PCDH15: variants seen among roughly 807,000 people sequenced by gnomAD.
PCDH15 encodes protocadherin-15.
PCDH15 carries 129 observed loss-of-function variants against 178.5 expected under a neutral mutation model. The observed-to-expected ratio is 0.72, with a 90% CI of 0.63 to 0.84. PCDH15 has a LOEUF of 0.84. PCDH15 is among the 40% of genes least tolerant of loss of function. The pLI is 0.00. For missense variants in PCDH15, 2,230 were observed against 2,099.9 expected (o/e 1.06, Z -1.21); for synonymous variants, 800 against 732.0 (o/e 1.09, Z -1.50).
intron 35 of PCDH15, among the ~76,000 whole-genome samples, chr10:53,814,962 CAAA>C (rs34460612): frequency 4.6e-5 from 4 of 87,834 alleles, no homozygotes; most frequent in African/African-American, 3.6e-5. Context: ...GAATCTGTCT[CAAA>C]AAAAAAAAAA....
rs185560589 is a variant in PCDH15 at position 55,495,372 on chromosome 10, G to A, written c.-156+132253C>T. ...TTTGAATGCCTTAAATCTGATAAGG[G>A]ACTTCTACCCAGAATTTACAAAGAA... is the stretch of plus-strand genomic sequence containing the variant. On this transcript the variant is annotated intron_variant, in intron 2 of 5. Coordinates refer to the PCDH15 transcript ENST00000613346. Among the ~76,000 whole-genome samples, 3 of 151,628 alleles carry A rather than the reference G, an allele frequency of 2.0e-5. No homozygotes were observed. The South Asian group carries it at 6.2e-4, about 31-fold the overall frequency.
Position 53,835,622 on chromosome 10 carries a change from A to T in PCDH15, c.3984-4089T>A, listed in dbSNP as rs536650726. Among the ~76,000 whole-genome samples, 9 of 152,294 alleles carry T rather than the reference A, an allele frequency of 5.9e-5. No individual in the cohort carries two copies. The South Asian group carries it at 1.9e-3, about 32-fold the overall frequency. On this transcript the variant is annotated intron_variant, in intron 29 of 37. Coordinates refer to ENST00000644397, the MANE Select transcript of PCDH15 (RefSeq NM_001384140.1). ...TTCACCTTTGGCAGAAAAGGTTAAA[A>T]GTGGCTGCCATAGGCTGGGCACGGT... is the stretch of plus-strand genomic sequence containing the variant.
intron 1 of PCDH15, among the ~76,000 whole-genome samples, chr10:54,741,064 C>A (rs1392861865): frequency 3.3e-5 from 5 of 151,738 alleles, no homozygotes; most frequent in African/African-American, 7.3e-5. Context: ...ATGATAGCTA[C>A]CCCAATTACC....
intron 2 of PCDH15, among the ~76,000 whole-genome samples, chr10:54,943,791 A>C (rs562697121): frequency 6.6e-6 from 1 of 151,952 alleles, no homozygotes; most frequent in African/African-American, 2.4e-5. Context: ...ATCTTAAAAA[A>C]AGCACGATCT....
At chr10:55,450,161 T>A (rs1257792465) in intron 2 of PCDH15, among the ~76,000 whole-genome samples, 1 of 152,046 alleles carries the variant, frequency 6.6e-6, no homozygotes, top group Non-Finnish European at 1.5e-5. Context: ...ATCTGGAAAA[T>A]CCAGTTAGGC....
intron 1 of PCDH15, among the ~76,000 whole-genome samples, chr10:54,742,210 T>C (rs1944900923): frequency 6.6e-6 from 1 of 152,084 alleles, no homozygotes; most frequent in South Asian, 2.1e-4. Flanking sequence ...TTATTGTATT[T>C]ATCTGTGTGG....
chr10:55,002,084 T>C (rs1288062814), intron 2 of PCDH15, among the ~76,000 whole-genome samples: 3 of 152,212 alleles, frequency 2.0e-5, no homozygotes, highest in Non-Finnish European at 4.4e-5. Context: ...ACCTAATTAG[T>C]TGTTAGTACT....
chr10:54,520,246 C>A (rs555449460), intron 3 of PCDH15, among the ~76,000 whole-genome samples: 1 of 152,040 alleles, frequency 6.6e-6, no homozygotes, highest in African/African-American at 2.4e-5. Context: ...TTCTGCAAAG[C>A]AAAAGAAACT....
At chr10:54,304,430 G>A (rs1035218896) in intron 8 of PCDH15, among the ~76,000 whole-genome samples, 9 of 152,056 alleles carry the variant, frequency 5.9e-5, no homozygotes, top group African/African-American at 1.9e-4. Flanking sequence ...ATTGATGAGA[G>A]TATACCAATG....
At chr10:55,100,058 A>G (rs1326389277) in intron 2 of PCDH15, among the ~76,000 whole-genome samples, 1 of 152,146 alleles carries the variant, frequency 6.6e-6, no homozygotes, top group African/African-American at 2.4e-5. Context: ...TTAACTTACT[A>G]TGTGCCTAGT....
At chr10:54,400,689 A>G (rs1438500191) in intron 3 of PCDH15, among the ~76,000 whole-genome samples, 1 of 152,084 alleles carries the variant, frequency 6.6e-6, no homozygotes. Flanking sequence ...CAGTTAATCG[A>G]AAATTATTAA....
intron 2 of PCDH15, among the ~76,000 whole-genome samples, chr10:54,553,418 GA>G (rs2086832100): frequency 6.6e-6 from 1 of 152,176 alleles, no homozygotes; most frequent in Non-Finnish European, 1.5e-5. Context: ...TGTCTAATGG[GA>G]AATAGAATCT....
At chr10:55,511,059 T>G (rs1053339669) in intron 2 of PCDH15, among the ~76,000 whole-genome samples, 19 of 149,808 alleles carry the variant, frequency 1.3e-4, no homozygotes, top group South Asian at 4.2e-4. Context: ...TTGTTTTTTT[T>G]TTTAGAGATA....
intron 1 of PCDH15, among the ~76,000 whole-genome samples, chr10:54,683,726 T>C (rs888654723): frequency 6.6e-6 from 1 of 152,122 alleles, no homozygotes; most frequent in African/African-American, 2.4e-5. Context: ...CATTAACATT[T>C]CACAGAACTT....
At chr10:53,825,528 T>TTAAAG (rs898870753) in intron 32 of PCDH15, among the ~76,000 whole-genome samples, 2 of 151,742 alleles carry the variant, frequency 1.3e-5, no homozygotes, top group African/African-American at 4.8e-5. Flanking sequence ...ACACTGACTT[T>TTAAAG]TAAAGTAGAT....
At chr10:54,191,597 A>G (rs1477244379) in intron 11 of PCDH15, among the ~76,000 whole-genome samples, 2 of 152,090 alleles carry the variant, frequency 1.3e-5, no homozygotes, top group Admixed American at 6.6e-5. Flanking sequence ...TCTTCTCTAG[A>G]GGAATAGGTG....
intron 3 of PCDH15, among the ~76,000 whole-genome samples, chr10:54,808,037 G>A (rs1337150567): frequency 3.3e-5 from 5 of 150,242 alleles, no homozygotes; most frequent in East Asian, 1.9e-4. Flanking sequence ...AATATTAGCC[G>A]AGCACCTTCT....
At chr10:54,252,856 T>G (rs1054631582) in intron 8 of PCDH15, among the ~76,000 whole-genome samples, 1 of 152,018 alleles carries the variant, frequency 6.6e-6, no homozygotes, top group Non-Finnish European at 1.5e-5. Context: ...TTTTATAATT[T>G]CTTATTATTC....
intron 15 of PCDH15, among the ~76,000 whole-genome samples, chr10:54,096,387 T>C (rs1674189461): frequency 6.6e-6 from 1 of 152,130 alleles, no homozygotes; most frequent in South Asian, 2.1e-4. Context: ...CATTAACTGC[T>C]ACTCTTCATT....
Sources: allele counts gnomAD v4.1 joint callset (sites outside exome capture counted in the v4.1 genomes callset), GRCh38; gene constraint gnomAD v4.1.1; transcripts MANE v1.5; gene names NCBI Gene and HGNC (gene_info 2026-07-23, HGNC 2026-07-21).